PPP4R2: variants seen among roughly 807,000 people sequenced by gnomAD.
The protein encoded by PPP4R2 is protein phosphatase 4 regulatory subunit 2, also known as serine/threonine-protein phosphatase 4 regulatory subunit 2.
In PPP4R2, 13 loss-of-function variants were observed where a neutral mutation model predicts 47.2. The observed-to-expected ratio is 0.28, with a 90% confidence interval of 0.18 to 0.44. PPP4R2 has a LOEUF of 0.44. PPP4R2 is among the 20% of genes least tolerant of loss of function. The probability of loss-of-function intolerance (pLI) is 1.00; values close to 1 mark genes in which losing one functional copy is unlikely to be tolerated. For missense variants in PPP4R2, 421 were observed against 491.2 expected (o/e 0.86, Z 1.35); for synonymous variants, 151 against 163.3 (o/e 0.92, Z 0.57).
chr3:73,034,972 G>T (rs759660608), intron 2 of PPP4R2, among the ~76,000 whole-genome samples: 3 of 152,140 alleles, frequency 2.0e-5, no homozygotes, highest in African/African-American at 4.8e-5. Context: ...AAAAGCTTCC[G>T]CACAAGGGAA....
chr3:73,003,118 AT>A (rs11296237), intron 2 of PPP4R2, among the ~76,000 whole-genome samples: 76,547 of 148,590 alleles, frequency 0.52, 19,724 homozygotes, highest in South Asian at 0.59. Flanking sequence ...GGAATGTTAA[AT>A]TTTTTTTTTT....
At chr3:73,005,337 CT>C (rs34629247) in intron 2 of PPP4R2, among the ~76,000 whole-genome samples, 64,438 of 128,056 alleles carry the variant, frequency 0.5, 14,306 homozygotes, top group South Asian at 0.62. Flanking sequence ...ATGGTGTGGT[CT>C]TTTTTTTTTT....
intron 2 of PPP4R2, among the ~76,000 whole-genome samples, chr3:73,029,881 TAGTG>T (rs1702136895): frequency 6.6e-6 from 1 of 152,204 alleles, no homozygotes; most frequent in African/African-American, 2.4e-5. Flanking sequence ...AAAATATTGT[TAGTG>T]AGACATTTAA....
chr3:73,061,177 A>G, intron 5 of PPP4R2, 117 bp downstream of exon 5: 1 of 459,286 alleles, frequency 2.2e-6, no homozygotes, highest in Non-Finnish European at 3.7e-6. Flanking sequence ...TAAGTGTGAT[A>G]ACATACTTGT....
At chr3:73,021,482 C>T (rs184732927) in intron 2 of PPP4R2, among the ~76,000 whole-genome samples, 1 of 152,058 alleles carries the variant, frequency 6.6e-6, no homozygotes, top group East Asian at 1.9e-4. Context: ...AGCCTTCCTC[C>T]CACCTCTGAC....
chr3:73,030,531 G>T (rs926478582), intron 2 of PPP4R2, among the ~76,000 whole-genome samples: 3 of 152,022 alleles, frequency 2.0e-5, no homozygotes, highest in Admixed American at 6.6e-5. Context: ...GCGTACTCAA[G>T]ATCAGCCAGC....
rs74732321 is a variant in PPP4R2 at position 73,058,143 on chromosome 3, A to C, written c.288-894A>C. On this transcript the variant is annotated intron_variant, in intron 3 of 8. Transcript: ENST00000356692. The stretch of plus-strand genomic sequence containing the variant: ...AATGATTTTAGTTCCAACTTATATC[A>C]GTTTTGTATTTACTGTGGTCAAGGA... Among the ~76,000 whole-genome samples, 1,071 of 152,234 alleles carry C rather than the reference A, an allele frequency of 7.0e-3. 23 individuals are homozygous for C. The highest frequency in any genetic ancestry group is 0.024 in the African/African-American group (1,017 of 41,574).
intron 2 of PPP4R2, among the ~76,000 whole-genome samples, chr3:73,042,642 C>T (rs1035921869): frequency 2.6e-5 from 4 of 151,928 alleles, no homozygotes; most frequent in African/African-American, 7.2e-5. Context: ...GGATTACATC[C>T]GTGAGCCACC....
intron 3 of PPP4R2, among the ~76,000 whole-genome samples, chr3:73,051,991 CTAT>C (rs1702623350): frequency 2.0e-5 from 3 of 152,096 alleles, no homozygotes; most frequent in Non-Finnish European, 4.4e-5. Flanking sequence ...ATTTCCTGAA[CTAT>C]AAGCTTCTGG....
At chr3:73,013,793 C>T (rs993953690) in intron 2 of PPP4R2, among the ~76,000 whole-genome samples, 5 of 152,270 alleles carry the variant, frequency 3.3e-5, no homozygotes, top group African/African-American at 9.6e-5. Context: ...CACGTGCCAC[C>T]GTGCCCAGCT....
At position 73,062,287 on chromosome 3, in the gene PPP4R2, G is replaced by C. The variant is rs375948244; in HGVS notation, c.419+1227G>C. The stretch of plus-strand genomic sequence containing the variant: ...GGAGATGACGCAATGGACAGGAGTG[G>C]GCTCCCTGACCTTCAAGGAAGATTT... On this transcript the variant is annotated intron_variant, in intron 5 of 8. Transcript: ENST00000356692. 1.9e-6 allele frequency: 3 copies of C among 1,607,762 alleles called. No individual in the cohort carries two copies. The African/African-American group carries it at 4.0e-5, about 22-fold the overall frequency.
chr3:73,036,446 G>A (rs1040348654), intron 2 of PPP4R2, among the ~76,000 whole-genome samples: 1 of 152,132 alleles, frequency 6.6e-6, no homozygotes, highest in East Asian at 1.9e-4. Context: ...CCCAAATATC[G>A]ATTTGACCAA....
At chr3:73,037,348 T>C (rs1171251956) in intron 2 of PPP4R2, among the ~76,000 whole-genome samples, 5 of 152,246 alleles carry the variant, frequency 3.3e-5, no homozygotes, top group African/African-American at 9.6e-5. Context: ...ACAAATCTTA[T>C]TCCTCAAATT....
chr3:73,040,023 G>T (rs549319994), intron 2 of PPP4R2, among the ~76,000 whole-genome samples: 10 of 152,294 alleles, frequency 6.6e-5, no homozygotes, highest in Non-Finnish European at 1.2e-4. Context: ...TTGCACTCCA[G>T]CCTGGGCGAC....
chr3:73,065,329 C>G, intron 8 of PPP4R2, 68 bp from the exon 9 acceptor site: 1 of 1,443,386 alleles, frequency 6.9e-7, no homozygotes, highest in Non-Finnish European at 9.3e-7. Flanking sequence ...TATCAGAATT[C>G]ATGAAACTTA....
chr3:73,003,752 G>C (rs1003339830), intron 2 of PPP4R2, among the ~76,000 whole-genome samples: 6 of 151,934 alleles, frequency 3.9e-5, no homozygotes, highest in Admixed American at 3.9e-4. Flanking sequence ...AGGCTGGAGT[G>C]CAGTGGTGCG....
intron 2 of PPP4R2, among the ~76,000 whole-genome samples, chr3:73,023,610 C>T (rs986395763): frequency 6.6e-6 from 1 of 152,080 alleles, no homozygotes; most frequent in Non-Finnish European, 1.5e-5. Context: ...AAGTAGGAAA[C>T]CTTGTTTAAA....
chr3:73,039,681 T>TA (rs1464875625), intron 2 of PPP4R2, among the ~76,000 whole-genome samples: 103 of 152,240 alleles, frequency 6.8e-4, no homozygotes, highest in African/African-American at 2.5e-3. Flanking sequence ...TTCTAGTGGG[T>TA]AGAGGCCAGG....
chr3:73,046,979 T>A (rs1447727762), intron 2 of PPP4R2, among the ~76,000 whole-genome samples: 1 of 152,046 alleles, frequency 6.6e-6, no homozygotes, highest in African/African-American at 2.4e-5. Flanking sequence ...CTGGGTTTTG[T>A]TTGGGTTGGG....
Sources: allele counts gnomAD v4.1 joint callset (sites outside exome capture counted in the v4.1 genomes callset), GRCh38; gene constraint gnomAD v4.1.1; transcripts MANE v1.5; gene names NCBI Gene and HGNC (gene_info 2026-07-23, HGNC 2026-07-21).